Variants in SYNPR observed in about 807,000 individuals in gnomAD.
SYNPR encodes the protein synaptoporin.
A neutral mutation model predicts 32.9 loss-of-function variants in SYNPR; 23 were observed. That is an observed-to-expected ratio of 0.70 (90% CI 0.50 to 0.99). The LOEUF is 0.99. SYNPR is among the 50% of genes least tolerant of loss of function. SYNPR has a pLI of 0.00. For missense variants in SYNPR, 318 were observed against 349.3 expected, an observed-to-expected ratio of 0.91 and a Z score of 0.71; for synonymous variants, 146 against 135.9, an observed-to-expected ratio of 1.07 and a Z score of -0.52.
At chr3:63,375,012 C>T (rs2087869553) in intron 2 of SYNPR, among the ~76,000 whole-genome samples, 1 of 152,084 alleles carries the variant, frequency 6.6e-6, no homozygotes, top group Non-Finnish European at 1.5e-5. Context: ...CAAATCAAAA[C>T]CACAATGAGA....
intron 4 of SYNPR, among the ~76,000 whole-genome samples, chr3:63,596,235 C>T (rs1296421694): frequency 1.3e-5 from 2 of 150,434 alleles, no homozygotes; most frequent in Admixed American, 6.7e-5. Context: ...CCTCTCCTCA[C>T]TCTCCTCATC....
chr3:63,350,235 C>T (rs899540595), intron 2 of SYNPR, among the ~76,000 whole-genome samples: 1 of 145,288 alleles, frequency 6.9e-6, no homozygotes, highest in Non-Finnish European at 1.5e-5. Flanking sequence ...CACACACACA[C>T]ACACACATAC....
chr3:63,223,684 C>T (rs2086109277), upstream of SYNPR, among the ~76,000 whole-genome samples: 1 of 152,182 alleles, frequency 6.6e-6, no homozygotes, highest in Non-Finnish European at 1.5e-5. Flanking sequence ...CTAGCATCGC[C>T]ATGTTATATG....
At chr3:63,488,798 C>G (rs1701203527) in intron 3 of SYNPR, among the ~76,000 whole-genome samples, 2 of 152,042 alleles carry the variant, frequency 1.3e-5, no homozygotes, top group Admixed American at 6.6e-5. Context: ...AAGAGAGGAG[C>G]TATCATTTGT....
At chr3:63,371,881 C>T (rs1575614027) in intron 2 of SYNPR, among the ~76,000 whole-genome samples, 1 of 152,188 alleles carries the variant, frequency 6.6e-6, no homozygotes, top group South Asian at 2.1e-4. Context: ...ACCCTAACCA[C>T]CCTCAGGATG....
chr3:63,328,875 A>T (rs1575599677), intron 2 of SYNPR, among the ~76,000 whole-genome samples: 1 of 152,076 alleles, frequency 6.6e-6, no homozygotes, highest in Admixed American at 6.6e-5. Context: ...AGAGGTCAGG[A>T]CCTGTTTTCT....
At chr3:63,547,106 G>A (rs1349782632) in intron 3 of SYNPR, among the ~76,000 whole-genome samples, 2 of 152,060 alleles carry the variant, frequency 1.3e-5, no homozygotes. Flanking sequence ...AGAAAAATGT[G>A]TGTGTACTAG....
chr3:63,324,370 G>A (rs1365806565), intron 2 of SYNPR, among the ~76,000 whole-genome samples: 1 of 152,108 alleles, frequency 6.6e-6, no homozygotes, highest in African/African-American at 2.4e-5. Context: ...AGCCTTGAAG[G>A]CTAAGCCAGG....
intron 2 of SYNPR, among the ~76,000 whole-genome samples, chr3:63,446,724 C>A (rs2107169185): frequency 6.6e-6 from 1 of 152,236 alleles, no homozygotes; most frequent in African/African-American, 2.4e-5. Context: ...TTTACCCAAA[C>A]TCAGAGGGAT....
At chr3:63,516,286 T>A (rs1384693058) in intron 3 of SYNPR, among the ~76,000 whole-genome samples, 1 of 152,100 alleles carries the variant, frequency 6.6e-6, no homozygotes, top group Non-Finnish European at 1.5e-5. Flanking sequence ...CAACTCACAC[T>A]GGATCAATCG....
At chr3:63,386,576 G>C (rs895259306) in intron 2 of SYNPR, among the ~76,000 whole-genome samples, 8 of 143,494 alleles carry the variant, frequency 5.6e-5, no homozygotes, top group African/African-American at 2.3e-4. Context: ...TCTTCCATGA[G>C]AGTAAGAGCA....
At chr3:63,204,467 T>C in the SYNPR span, among the ~76,000 whole-genome samples, 2 of 152,210 alleles carry the variant, frequency 1.3e-5, no homozygotes, top group African/African-American at 2.4e-5. Context: ...GATCTCATCT[T>C]AATCAGTTCT....
chr3:63,297,517 A>G (rs1012750885), intron 2 of SYNPR, among the ~76,000 whole-genome samples: 2 of 152,214 alleles, frequency 1.3e-5, no homozygotes, highest in African/African-American at 4.8e-5. Context: ...ATAATGGTAT[A>G]CTTTTATTTG....
chr3:63,422,664 A>G (rs987532001), intron 2 of SYNPR, among the ~76,000 whole-genome samples: 19 of 152,216 alleles, frequency 1.2e-4, no homozygotes, highest in African/African-American at 4.3e-4. Context: ...AAAAGTACCA[A>G]GTATAAGCAA....
intron 3 of SYNPR, among the ~76,000 whole-genome samples, chr3:63,539,097 T>C (rs773283513): frequency 1.3e-5 from 2 of 152,114 alleles, no homozygotes; most frequent in Non-Finnish European, 2.9e-5. Context: ...CTTCTTCTGC[T>C]TTCACCTCTG....
intron 2 of SYNPR, among the ~76,000 whole-genome samples, chr3:63,371,000 G>A (rs1235533308): frequency 1.3e-5 from 2 of 152,186 alleles, no homozygotes; most frequent in African/African-American, 4.8e-5. Flanking sequence ...ACAGTGGTGA[G>A]TAAACCCTAG....
chr3:63,307,234 G>T (rs534759643), intron 2 of SYNPR, among the ~76,000 whole-genome samples: 1 of 152,092 alleles, frequency 6.6e-6, no homozygotes, highest in Admixed American at 6.6e-5. Flanking sequence ...TCACACACAA[G>T]TTACAAGAAT....
At chr3:63,461,178 C>T (rs1249707875) in intron 2 of SYNPR, among the ~76,000 whole-genome samples, 1 of 152,026 alleles carries the variant, frequency 6.6e-6, no homozygotes, top group Non-Finnish European at 1.5e-5. Context: ...ATCCTAATGC[C>T]ATACCCAGGC....
chr3:63,531,458 CT>C (rs1702111174), intron 3 of SYNPR, among the ~76,000 whole-genome samples: 2 of 152,148 alleles, frequency 1.3e-5, no homozygotes, highest in Admixed American at 6.5e-5. Flanking sequence ...GATACTCCCC[CT>C]GTGTGTCTAT....
Sources: gnomAD v4.1 joint callset for allele counts (sites outside exome capture counted in the v4.1 genomes callset) on GRCh38, gnomAD v4.1.1 for gene constraint, MANE v1.5 for transcripts, NCBI Gene and HGNC (gene_info 2026-07-23, HGNC 2026-07-21) for gene names.